SIVA1: variants seen among roughly 807,000 people sequenced by gnomAD.
SIVA1 encodes the protein SIVA1 apoptosis inducing factor.
In SIVA1, 10 loss-of-function variants were observed where a neutral mutation model predicts 19.7. The ratio of observed to expected loss-of-function variants is 0.51; its 90% CI spans 0.31 to 0.86. SIVA1 has a LOEUF of 0.86. Among genes scored for constraint, SIVA1 ranks in the 40% least tolerant of loss-of-function variants. The pLI, the probability that SIVA1 is intolerant of heterozygous loss-of-function variation, is 0.04. For synonymous variants in SIVA1, 130 were observed against 106.1 expected, an observed-to-expected ratio of 1.23 and a Z score of -1.39; for missense variants, 241 against 245.2, an observed-to-expected ratio of 0.98 and a Z score of 0.11.
chr14:104,757,066 G>A (rs1891915469), intron 3 of SIVA1: 2 of 444,092 alleles, frequency 4.5e-6, no homozygotes, highest in Non-Finnish European at 8.2e-6. Context: ...TCTGGTCTTT[G>A]AGCCCCCCCT....
In SIVA1 at chr14:104,759,477, G is replaced by A. The variant is rs750275814; in HGVS notation, c.520G>A (p.Glu174Lys). 5 of 1,610,958 alleles carry A rather than the reference G, an allele frequency of 3.1e-6. No individual in the cohort carries two copies. Among genetic ancestry groups the A allele is most frequent in the South Asian group, 1.1e-5 (1 of 91,044 alleles). Residue 174 changes from glutamate (E) to lysine (K), a missense_variant, in exon 4 of 4, where the codon GAG becomes AAG. Physicochemically the swap from Glu to Lys is moderately conservative, Grantham distance 56. Coordinates refer to ENST00000329967, the MANE Select transcript of SIVA1 (RefSeq NM_006427.4). This position sits in a 1 kb window ranked among gnomAD's most constrained non-coding sequence, Gnocchi z 4.2. ...KVLCTSCAMF[E>K]T is the part of the protein sequence containing the mutation. The stretch of plus-strand genomic sequence containing the variant: ...GCTGTGCACCAGCTGTGCCATGTTC[G>A]AGACCTGAGGCTGGCTCAAGCCGGC...
intron 3 of SIVA1, chr14:104,757,523 G>A (rs28529272): frequency 2.9e-5 from 5 of 173,482 alleles, no homozygotes; most frequent in Admixed American, 6.1e-5. Context: ...CCCTGGGCAG[G>A]GGGGGCAGCA....
At chr14:104,755,882 G>T in intron 2 of SIVA1, 58 bp downstream of exon 2, 1 of 1,511,764 alleles carries the variant, frequency 6.6e-7, no homozygotes, top group Non-Finnish European at 9.1e-7. Context: ...GGTGGCACGA[G>T]CATTTTTCTT....
intron 3 of SIVA1, 136 bp downstream of exon 3, chr14:104,756,896 C>G: frequency 3.9e-6 from 4 of 1,013,258 alleles, no homozygotes; most frequent in African/African-American, 1.6e-5. Flanking sequence ...CATTGCCTAA[C>G]GGGACATGGT....
At chr14:104,754,430 C>G (rs568313651) in intron 1 of SIVA1, among the ~76,000 whole-genome samples, 1 of 152,274 alleles carries the variant, frequency 6.6e-6, no homozygotes, top group East Asian at 1.9e-4. Flanking sequence ...GTGGCAGGAC[C>G]GCAATCGTGT....
At position 104,753,720 on chromosome 14, in the gene SIVA1, C is replaced by A. The variant is rs1281025829; in HGVS notation, c.118+401C>A. On this transcript the variant is annotated intron_variant, in intron 1 of 3. Coordinates refer to ENST00000329967, the MANE Select transcript of SIVA1 (RefSeq NM_006427.4). ...GCATGGAGTCAACCCGAAGAGTGCC[C>A]CTCCTGTCCCAAGAGGTATTCATGG... is the stretch of plus-strand genomic sequence containing the variant. 5 of 439,598 alleles carry A rather than the reference C, an allele frequency of 1.1e-5. No individual in the cohort carries two copies. The Admixed American group carries it at 1.2e-4, about 11-fold the overall frequency. 27.2% of individuals were successfully genotyped at this position (439,598 alleles called of 1,614,324 possible). A position where few individuals can be genotyped will look rare whatever the true frequency, so the allele number is the denominator to read the frequency against.
chr14:104,755,763 G>A lies in SIVA1; in HGVS notation c.252G>A (p.Gly84=). 6.2e-7 allele frequency: 1 copy of A among 1,614,110 alleles called. No individual in the cohort carries two copies. The highest frequency in any genetic ancestry group is 8.5e-7 in the Non-Finnish European group (1 of 1,180,020). ...CAGGGGCCCCGAGGGCTGCACGTGG[G>A]CAGATGCTGATTGGACCAGACGGCC... ...GPTGAPRAAR[G]QMLIGPDGRL... Residue 84 remains glycine, a synonymous_variant, in exon 2 of 4, where the codon GGG becomes GGA. Coordinates refer to ENST00000329967, the MANE Select transcript of SIVA1 (RefSeq NM_006427.4).
At chr14:104,758,507 T>TG (rs398039858) in intron 3 of SIVA1, 5 of 151,592 alleles carry the variant, frequency 3.3e-5, no homozygotes, top group African/African-American at 1.2e-4. Context: ...TTTTTTTTTT[T>TG]GAGACGGAGT....
At position 104,753,325 on chromosome 14, in the gene SIVA1, T is replaced by C. The variant is rs1266987719; in HGVS notation, c.118+6T>C. ...CTACTCGCAGGAGGTCTTCGGTGAG[T>C]GTCGGGCGGGCTGCCGAGGGTCCGC... On this transcript the variant is annotated splice_donor_region_variant and intron_variant, in intron 1 of 3. Transcript: ENST00000329967. The C allele has an allele frequency of 1.9e-6, 3 of 1,581,784 alleles. No homozygotes were observed. In the African/African-American group the frequency reaches 4.2e-5, roughly 22 times the overall value.
rs1892006220 is a variant in SIVA1, at chr14:104,759,299, CTGTCTCCAGATAAGGTCA to C, written c.471-124_471-107del. 1.4e-6 allele frequency: 1 copy of C among 705,816 alleles called. No individual in the cohort carries two copies. The highest frequency in any genetic ancestry group is 1.9e-5 in the African/African-American group (1 of 51,658). The allele number at this position is 705,816 out of a possible 1,614,324, so 43.7% of individuals were successfully genotyped here. ...TAGACTGATGATGCCCGCAGTGATC[CTGTCTCCAGATAAGGTCA>C]TGTCCTGAGGTGTTCTGGGTTAGGA... On this transcript the variant is annotated intron_variant, in intron 3 of 3. Coordinates refer to ENST00000329967, the MANE Select transcript of SIVA1 (RefSeq NM_006427.4). The surrounding 1 kb of genome is among the most constrained non-coding windows in gnomAD (Gnocchi z 4.2).
At chr14:104,753,573 C>T (rs1891780019) in intron 1 of SIVA1, 3 of 523,050 alleles carry the variant, frequency 5.7e-6, no homozygotes, top group East Asian at 3.4e-5. Flanking sequence ...GCCCCTAGCC[C>T]CCGCGCCCTC....
At position 104,759,308 on chromosome 14, in the gene SIVA1, G is replaced by C. The variant is rs755321469; in HGVS notation, c.471-120G>C. ...GATGCCCGCAGTGATCCTGTCTCCA[G>C]ATAAGGTCATGTCCTGAGGTGTTCT... On this transcript the variant is annotated intron_variant, in intron 3 of 3. Coordinates refer to ENST00000329967, the MANE Select transcript of SIVA1 (RefSeq NM_006427.4). This position sits in a 1 kb window ranked among gnomAD's most constrained non-coding sequence, Gnocchi z 4.2. 1.5e-5 allele frequency: 11 copies of C among 743,056 alleles called. No individual in the cohort carries two copies. Among genetic ancestry groups the C allele is most frequent in the Non-Finnish European group, 1.9e-5 (9 of 468,026 alleles). The allele number at this position is 743,056 out of a possible 1,614,324, so 46.0% of individuals were successfully genotyped here.
At chr14:104,755,498 C>A (rs1056890328) in intron 1 of SIVA1, 132 bp from the exon 2 acceptor site, 5 of 798,538 alleles carry the variant, frequency 6.3e-6, no homozygotes, top group Non-Finnish European at 1.0e-5. Context: ...ACAACACAGG[C>A]TGGGGTTACT....
chr14:104,759,320 T>G lies in SIVA1; in HGVS notation c.471-108T>G. 1.2e-6 allele frequency: 1 copy of G among 863,350 alleles called. No individual in the cohort carries two copies. The highest frequency in any genetic ancestry group is 1.9e-6 in the Non-Finnish European group (1 of 537,632). 53.5% of individuals were successfully genotyped at this position (863,350 alleles called of 1,614,324 possible). A position where few individuals can be genotyped will look rare whatever the true frequency, so the allele number is the denominator to read the frequency against. ...GATCCTGTCTCCAGATAAGGTCATGTCCTGAGGTGTTCTGGGTTAGGACTT... is the reference window on the plus strand; with the variant it reads ...GATCCTGTCTCCAGATAAGGTCATGGCCTGAGGTGTTCTGGGTTAGGACTT... On this transcript the variant is annotated intron_variant, in intron 3 of 3. Transcript: ENST00000329967. This position sits in a 1 kb window ranked among gnomAD's most constrained non-coding sequence, Gnocchi z 4.2.
intron 3 of SIVA1, chr14:104,757,408 T>C: frequency 3.3e-6 from 1 of 305,362 alleles, no homozygotes; most frequent in Non-Finnish European, 6.7e-6. Flanking sequence ...AAACAATGTC[T>C]GAAATTGTCC....
At position 104,755,810 on chromosome 14, in the gene SIVA1, A is replaced by C. The variant is rs370122831; in HGVS notation, c.299A>C (p.Gln100Pro). 1.2e-6 allele frequency: 2 copies of C among 1,613,668 alleles called. No homozygotes were observed. The highest frequency in any genetic ancestry group is 2.7e-5 in the African/African-American group (2 of 75,058). The change falls in exon 2 of 4, where the codon CAG (glutamine) becomes CCG (proline). Residue 100 changes from glutamine (Q) to proline (P), a missense_variant. Transcript: ENST00000329967. The part of the protein sequence containing the change: ...PDGRLIRSLG[Q>P]ASEADPSGVA... ...GGCCGCCTGATCAGGAGCCTTGGGC[A>C]GGCCTCCGAAGCTGGTGAGTGGCAC...
In SIVA1 at chr14:104,755,825, GT is replaced by G; in HGVS notation, c.313+2del. On this transcript the variant is annotated splice_donor_variant, in intron 2 of 3. Transcript: ENST00000329967. LOFTEE classifies it high-confidence loss of function. ...AGCCTTGGGCAGGCCTCCGAAGCTGGTGAGTGGCACCAGCAGCCCTTTGTGG... is the reference window on the plus strand; with the variant it reads ...AGCCTTGGGCAGGCCTCCGAAGCTGGGAGTGGCACCAGCAGCCCTTTGTGG... 6.2e-7 allele frequency: 1 copy of G among 1,612,976 alleles called. No individual in the cohort carries two copies. Among genetic ancestry groups the G allele is most frequent in the Non-Finnish European group, 8.5e-7 (1 of 1,179,634 alleles).
intron 3 of SIVA1, 112 bp downstream of exon 3, chr14:104,756,872 G>A: frequency 8.1e-7 from 1 of 1,230,860 alleles, no homozygotes; most frequent in Non-Finnish European, 1.1e-6. Flanking sequence ...GGCCCCTGAT[G>A]CAGTGCCATC....
At chr14:104,754,235 C>T (rs1226710937) in intron 1 of SIVA1, among the ~76,000 whole-genome samples, 3 of 152,112 alleles carry the variant, frequency 2.0e-5, no homozygotes, top group Non-Finnish European at 4.4e-5. Flanking sequence ...AAAGTCTGCA[C>T]CTGTAGAGCA....
Sources: allele counts gnomAD v4.1 joint callset (sites outside exome capture counted in the v4.1 genomes callset), GRCh38; gene constraint gnomAD v4.1.1; non-coding constraint Gnocchi (gnomAD v3.1); transcripts MANE v1.5; gene names NCBI Gene and HGNC (gene_info 2026-07-23, HGNC 2026-07-21).